AGBL4: variants seen among roughly 807,000 people sequenced by gnomAD.
The protein encoded by AGBL4 is AGBL carboxypeptidase 4, also known as cytosolic carboxypeptidase 6.
Under a neutral mutation model 66.4 loss-of-function variants are expected in AGBL4, and 58 were observed. The observed-to-expected ratio is 0.87, with a 90% confidence interval of 0.71 to 1.09. The LOEUF is 1.09. Ranked by LOEUF, AGBL4 falls within the 50% of genes least tolerant of loss-of-function variation. The probability of loss-of-function intolerance (pLI) is 0.00; values close to 1 mark genes in which losing one functional copy is unlikely to be tolerated. For missense variants in AGBL4, 579 were observed against 631.0 expected (o/e 0.92, Z 0.88); for synonymous variants, 234 against 222.9 (o/e 1.05, Z -0.44).
intron 5 of AGBL4, among the ~76,000 whole-genome samples, chr1:48,943,689 T>C (rs1395292937): frequency 6.6e-6 from 1 of 152,086 alleles, no homozygotes; most frequent in Non-Finnish European, 1.5e-5. Context: ...CTGATACAAG[T>C]AGGCAGCACC....
chr1:48,825,566 T>C (rs1189113721), intron 6 of AGBL4, among the ~76,000 whole-genome samples: 1 of 152,234 alleles, frequency 6.6e-6, no homozygotes, highest in Non-Finnish European at 1.5e-5. Context: ...TTTTCTATTG[T>C]ATTCCCAGTG....
At chr1:49,667,078 G>T (rs559069879) in intron 3 of AGBL4, among the ~76,000 whole-genome samples, 36 of 152,264 alleles carry the variant, frequency 2.4e-4, no homozygotes, top group Admixed American at 2.4e-3. Flanking sequence ...GAAGATAGTT[G>T]TGAGAAACAA....
At chr1:48,624,150 T>C (rs1294076888) in intron 9 of AGBL4, among the ~76,000 whole-genome samples, 1 of 152,200 alleles carries the variant, frequency 6.6e-6, no homozygotes, top group East Asian at 1.9e-4. Context: ...TTTCCAAATT[T>C]GTGAGCTTGA....
chr1:48,680,871 T>A (rs893138321), intron 6 of AGBL4, among the ~76,000 whole-genome samples: 1 of 152,028 alleles, frequency 6.6e-6, no homozygotes. Context: ...TTTCCAGGAG[T>A]TGGCCACTGC....
chr1:49,757,802 T>C (rs1387245563), intron 2 of AGBL4, among the ~76,000 whole-genome samples: 1 of 152,170 alleles, frequency 6.6e-6, no homozygotes, highest in South Asian at 2.1e-4. Context: ...CATGAAAGTT[T>C]GGAAAATTTG....
intron 2 of AGBL4, among the ~76,000 whole-genome samples, chr1:49,721,388 G>A (rs57046194): frequency 0.018 from 2,763 of 152,150 alleles, 80 homozygotes; most frequent in African/African-American, 0.063. Context: ...TGTGAAGGTC[G>A]AAGGCTTCAT....
chr1:48,709,614 T>TATTA (rs1331219773), intron 6 of AGBL4, among the ~76,000 whole-genome samples: 1 of 149,694 alleles, frequency 6.7e-6, no homozygotes, highest in African/African-American at 2.4e-5. Context: ...TTATTATTAT[T>TATTA]ATTTTGAGAT....
chr1:48,583,765 A>G (rs1052455255), intron 11 of AGBL4: 1 of 151,640 alleles, frequency 6.6e-6, no homozygotes, highest in African/African-American at 2.4e-5. Context: ...AGACCATGTA[A>G]TTTCTTTTTA....
At chr1:48,647,659 G>A in intron 8 of AGBL4, 1 of 433,530 alleles carries the variant, frequency 2.3e-6, no homozygotes, top group South Asian at 1.7e-5. Flanking sequence ...TACGGAGATG[G>A]AAAGTCTGTT....
intron 4 of AGBL4, among the ~76,000 whole-genome samples, chr1:49,127,099 G>T (rs1645780883): frequency 6.6e-6 from 1 of 152,132 alleles, no homozygotes; most frequent in Non-Finnish European, 1.5e-5. Context: ...TTTTATTTCA[G>T]ATTTTGGATA....
intron 1 of AGBL4, among the ~76,000 whole-genome samples, chr1:49,938,407 T>C (rs775962809): frequency 6.6e-6 from 1 of 152,190 alleles, no homozygotes; most frequent in Non-Finnish European, 1.5e-5. Flanking sequence ...AGCCGAATTC[T>C]ACCAGAGGTA....
chr1:48,717,559 C>T (rs1314374972), intron 6 of AGBL4, among the ~76,000 whole-genome samples: 1 of 152,106 alleles, frequency 6.6e-6, no homozygotes, highest in African/African-American at 2.4e-5. Context: ...GGTAATTTTC[C>T]TGTTGGTGGG....
At chr1:49,268,877 A>C (rs1643990743) in intron 3 of AGBL4, among the ~76,000 whole-genome samples, 1 of 152,132 alleles carries the variant, frequency 6.6e-6, no homozygotes, top group Non-Finnish European at 1.5e-5. Flanking sequence ...TATTCTGCTT[A>C]CTCTGTATCC....
chr1:49,987,697 T>C (rs1406748643), intron 1 of AGBL4, among the ~76,000 whole-genome samples: 1 of 152,050 alleles, frequency 6.6e-6, no homozygotes, highest in Non-Finnish European at 1.5e-5. Context: ...TATACACTTT[T>C]AAAATTTTTA....
At chr1:49,697,917 T>C (rs1377613394) in intron 2 of AGBL4, among the ~76,000 whole-genome samples, 1 of 152,144 alleles carries the variant, frequency 6.6e-6, no homozygotes, top group Non-Finnish European at 1.5e-5. Flanking sequence ...TAAACTTCTA[T>C]CAGAATATGT....
chr1:49,528,786 C>T (rs1169708447), intron 3 of AGBL4, among the ~76,000 whole-genome samples: 1 of 151,760 alleles, frequency 6.6e-6, no homozygotes, highest in Non-Finnish European at 1.5e-5. Context: ...ATATTTCAGG[C>T]AGAGGAAAGA....
intron 2 of AGBL4, among the ~76,000 whole-genome samples, chr1:49,834,884 G>T (rs1490424148): frequency 6.6e-6 from 1 of 152,186 alleles, no homozygotes; most frequent in Non-Finnish European, 1.5e-5. Context: ...GTGTGGTTTT[G>T]AGTGAGTTTC....
intron 4 of AGBL4, among the ~76,000 whole-genome samples, chr1:49,239,444 T>C (rs1651041631): frequency 6.6e-6 from 1 of 152,038 alleles, no homozygotes; most frequent in Non-Finnish European, 1.5e-5. Context: ...AAAATCTAAA[T>C]GCCCAGCAAT....
intron 1 of AGBL4, among the ~76,000 whole-genome samples, chr1:49,874,727 G>T (rs1646932577): frequency 6.6e-6 from 1 of 151,942 alleles, no homozygotes; most frequent in South Asian, 2.1e-4. Context: ...AACATGTATT[G>T]AAACTCTGCT....
Sources: gnomAD v4.1 joint callset for allele counts (sites outside exome capture counted in the v4.1 genomes callset) on GRCh38, gnomAD v4.1.1 for gene constraint, MANE v1.5 for transcripts, NCBI Gene and HGNC (gene_info 2026-07-23, HGNC 2026-07-21) for gene names.